Variants in DPF2 observed in about 807,000 individuals in gnomAD.
DPF2 encodes the protein zinc finger protein ubi-d4.
Under a neutral mutation model 59.6 loss-of-function variants are expected in DPF2, and 10 were observed. That is an observed-to-expected ratio of 0.17 (90% CI 0.10 to 0.28). The LOEUF (loss-of-function observed/expected upper bound fraction) is 0.28. Among genes scored for constraint, DPF2 ranks in the 10% least tolerant of loss-of-function variants. DPF2 has a pLI of 1.00. For missense variants in DPF2, 315 were observed against 509.4 expected (o/e 0.62, Z 3.67); for synonymous variants, 189 against 190.6 (o/e 0.99, Z 0.07).
rs1302516177 is a variant in DPF2 at position 65,348,613 on chromosome 11, A to G, written c.1018-237A>G. On this transcript the variant is annotated intron_variant, in intron 9 of 10. Transcript: ENST00000528416. ...TACCATAGAGCTTGGGCTTTAGGGA[A>G]AAAAAAAAAAAAAAAAAAGTGGAGG... The G allele has an allele frequency of 7.5e-3, 1,650 of 219,584 alleles. 26 individuals carry two copies. The highest frequency in any genetic ancestry group is 0.041 in the African/African-American group (1,512 of 37,056). 13.6% of individuals were successfully genotyped at this position (219,584 alleles called of 1,614,324 possible).
At chr11:65,344,738 G>A (rs1590935639) in intron 6 of DPF2, 1 of 1,162,562 alleles carries the variant, frequency 8.6e-7, no homozygotes, top group African/African-American at 1.5e-5. Context: ...GGAATGGCAT[G>A]GGGGTAGGAG....
At chr11:65,343,454 G>T (rs918487802) in intron 4 of DPF2, 1 of 415,412 alleles carries the variant, frequency 2.4e-6, no homozygotes, top group African/African-American at 2.0e-5. Context: ...GGCTGCTTGT[G>T]GCATCAGGGC....
In DPF2 at chr11:65,340,527, A is replaced by G; in HGVS notation, c.175A>G (p.Lys59Glu). The G allele has an allele frequency of 3.1e-6, 5 of 1,614,156 alleles. No individual in the cohort carries two copies. The highest frequency in any genetic ancestry group is 4.2e-6 in the Non-Finnish European group (5 of 1,180,034). ...GAGCAATTGTTACATCTGGATGGAAAAGCGACACCGGGGTCCAGGTGAGGG... is the reference window on the plus strand; with the variant it reads ...GAGCAATTGTTACATCTGGATGGAAGAGCGACACCGGGGTCCAGGTGAGGG... ...AQSNCYIWME[K>E]RHRGPGLASG... The change falls in exon 2 of 11, where the codon AAG (lysine) becomes GAG (glutamate). Residue 59 changes from lysine to glutamate, a missense_variant. Transcript: ENST00000528416.
At chr11:65,351,624 AT>A in intron 10 of DPF2, 58 bp from the exon 11 acceptor site, 1 of 1,468,716 alleles carries the variant, frequency 6.8e-7, no homozygotes, top group East Asian at 2.3e-5. Context: ...GAGCAGAGGA[AT>A]TGCAAGCAGG....
At chr11:65,346,464 C>T in intron 9 of DPF2, 105 bp downstream of exon 9, 1 of 1,002,224 alleles carries the variant, frequency 1.0e-6, no homozygotes, top group South Asian at 1.5e-5. Context: ...GAGCAGGATC[C>T]CTCCCACATG....
chr11:65,348,233 C>G (rs956218520), intron 9 of DPF2: 2 of 151,862 alleles, frequency 1.3e-5, no homozygotes, highest in African/African-American at 4.9e-5. Context: ...TGCAGTGAGC[C>G]ATGATCACAC....
intron 4 of DPF2, among the ~76,000 whole-genome samples, chr11:65,342,690 C>G (rs190952428): frequency 1.3e-5 from 2 of 152,238 alleles, no homozygotes; most frequent in East Asian, 3.9e-4. Context: ...TTCCCCATTT[C>G]ACACAGAGGC....
At chr11:65,337,632 C>A (rs920728284) in intron 1 of DPF2, among the ~76,000 whole-genome samples, 1 of 149,960 alleles carries the variant, frequency 6.7e-6, no homozygotes, top group Non-Finnish European at 1.5e-5. Context: ...GAGACAGAGC[C>A]TCCCTCTGTC....
At chr11:65,337,543 A>AGAGG (rs1555029253) in intron 1 of DPF2, among the ~76,000 whole-genome samples, 20 of 137,516 alleles carry the variant, frequency 1.5e-4, no homozygotes, top group African/African-American at 5.5e-4. Context: ...AGAGAGAGAG[A>AGAGG]GAGAACAATG....
chr11:65,334,993 T>C (rs1176806927), intron 1 of DPF2, among the ~76,000 whole-genome samples: 1 of 152,154 alleles, frequency 6.6e-6, no homozygotes, highest in Non-Finnish European at 1.5e-5. Context: ...AAGAGTAAGT[T>C]GCTTCTCCCT....
At chr11:65,340,784 C>T (rs992547640) in intron 2 of DPF2, among the ~76,000 whole-genome samples, 182 bp from the exon 3 acceptor site, 1 of 152,170 alleles carries the variant, frequency 6.6e-6, no homozygotes, top group African/African-American at 2.4e-5. Context: ...AGCCAAGGCC[C>T]TGAAGCTTAT....
Position 65,353,879 on chromosome 11 carries a change from G to A in DPF2, c.*2120G>A, listed in dbSNP as rs1199696203. 1.3e-5 allele frequency among the ~76,000 whole-genome samples: 2 copies of A among 152,186 alleles called. No individual in the cohort carries two copies. The highest frequency in any genetic ancestry group is 4.8e-5 in the African/African-American group (2 of 41,426). On this transcript the variant is annotated 3_prime_UTR_variant, in exon 11 of 11. Coordinates refer to ENST00000528416, the MANE Select transcript of DPF2 (RefSeq NM_006268.5). ...CCACTGAAGTAGGCCAGGCAGAGAGGGAGTACAGCAATGGATGCGCTTTGG... is the reference window on the plus strand; with the variant it reads ...CCACTGAAGTAGGCCAGGCAGAGAGAGAGTACAGCAATGGATGCGCTTTGG...
chr11:65,351,885 C>G lies in DPF2; in HGVS notation c.*126C>G. The G allele has an allele frequency of 1.8e-6, 2 of 1,117,350 alleles. No homozygotes were observed. Among genetic ancestry groups the G allele is most frequent in the South Asian group, 1.5e-5 (1 of 68,222 alleles). The allele number at this position is 1,117,350 out of a possible 1,614,324, so 69.2% of individuals were successfully genotyped here. The stretch of plus-strand genomic sequence containing the variant: ...TCCAGAGAACCTTGGGGTGGTTGTG[C>G]CAGCCTGCCTTTGGCAGCTGCAAGC... On this transcript the variant is annotated 3_prime_UTR_variant, in exon 11 of 11. Transcript: ENST00000528416.
intron 1 of DPF2, among the ~76,000 whole-genome samples, chr11:65,338,178 C>A (rs1191488446): frequency 6.6e-6 from 1 of 152,238 alleles, no homozygotes; most frequent in South Asian, 2.1e-4. Flanking sequence ...AACTCTTGGT[C>A]TCAAGAGATC....
chr11:65,348,965 A>T, intron 10 of DPF2, 34 bp downstream of exon 10: 1 of 1,604,768 alleles, frequency 6.2e-7, no homozygotes, highest in Non-Finnish European at 8.5e-7. Flanking sequence ...CAGAACAATT[A>T]CTTTATTAGT....
At chr11:65,344,419 CTT>C (rs769112248) in intron 6 of DPF2, 5 of 689,942 alleles carry the variant, frequency 7.2e-6, no homozygotes, top group African/African-American at 5.4e-5. Flanking sequence ...CGTCTGTTCT[CTT>C]TTTCTTTCTG....
chr11:65,340,841 C>A, intron 2 of DPF2, 125 bp from the exon 3 acceptor site: 2 of 978,960 alleles, frequency 2.0e-6, no homozygotes, highest in Non-Finnish European at 3.0e-6. Context: ...ACCCCCTAGG[C>A]CCTCACTGTC....
At chr11:65,344,630 C>A (rs932576652) in intron 6 of DPF2, 1 of 1,535,890 alleles carries the variant, frequency 6.5e-7, no homozygotes, top group Non-Finnish European at 8.7e-7. Flanking sequence ...AGGTAGCTCT[C>A]TCAACTTTTC....
chr11:65,348,682 T>A, intron 9 of DPF2, 168 bp from the exon 10 acceptor site: 3 of 503,526 alleles, frequency 6.0e-6, no homozygotes, highest in South Asian at 6.3e-5. Flanking sequence ...AAGTGAGAAA[T>A]GACAGTGACT....
Sources: allele counts gnomAD v4.1 joint callset (sites outside exome capture counted in the v4.1 genomes callset), GRCh38; gene constraint gnomAD v4.1.1; transcripts MANE v1.5; gene names NCBI Gene and HGNC (gene_info 2026-07-23, HGNC 2026-07-21).